ARHGEF10: variants seen among roughly 807,000 people sequenced by gnomAD.
The protein encoded by ARHGEF10 is Rho guanine nucleotide exchange factor (GEF) 10.
A neutral mutation model predicts 147.4 loss-of-function variants in ARHGEF10; 140 were observed. That is an observed-to-expected ratio of 0.95 (90% CI 0.83 to 1.09). ARHGEF10 has a LOEUF of 1.09. Among genes scored for constraint, ARHGEF10 ranks in the 50% least tolerant of loss-of-function variants. The probability of loss-of-function intolerance (pLI) is 0.00; values close to 1 mark genes in which losing one functional copy is unlikely to be tolerated. For missense variants in ARHGEF10, 2,222 were observed against 1,752.7 expected, an observed-to-expected ratio of 1.27 and a Z score of -4.78; for synonymous variants, 902 against 695.8, an observed-to-expected ratio of 1.30 and a Z score of -4.67.
chr8:1,895,329 T>A (rs960286514), intron 13 of ARHGEF10, among the ~76,000 whole-genome samples: 1 of 152,250 alleles, frequency 6.6e-6, no homozygotes, highest in Non-Finnish European at 1.5e-5. Flanking sequence ...TTTGAGACTA[T>A]GATGCTATCA....
At chr8:1,849,982 A>ACG (rs1491481565) in intron 2 of ARHGEF10, among the ~76,000 whole-genome samples, 202 of 29,682 alleles carry the variant, frequency 6.8e-3, no homozygotes, top group Non-Finnish European at 0.011. Context: ...GGCCGGCTGC[A>ACG]TGGACACAGA....
At chr8:1,834,178 C>T (rs187245947) in intron 1 of ARHGEF10, among the ~76,000 whole-genome samples, 2 of 152,358 alleles carry the variant, frequency 1.3e-5, no homozygotes, top group East Asian at 3.9e-4. Context: ...CTTGTCCCCT[C>T]CCCAGCATGT....
At chr8:1,869,544 G>T in intron 7 of ARHGEF10, 1 of 536,830 alleles carries the variant, frequency 1.9e-6, no homozygotes, top group Non-Finnish European at 3.4e-6. Context: ...CTGAGAAGCA[G>T]CAATGTATAT....
At chr8:1,843,754 C>A (rs920502735) in intron 2 of ARHGEF10, among the ~76,000 whole-genome samples, 4 of 152,196 alleles carry the variant, frequency 2.6e-5, no homozygotes, top group African/African-American at 9.6e-5. Flanking sequence ...AGGGTTGTTA[C>A]AGAATGGCGC....
At chr8:1,933,601 G>A (rs910553382) in intron 25 of ARHGEF10, among the ~76,000 whole-genome samples, 199 bp from the exon 26 acceptor site, 2 of 152,034 alleles carry the variant, frequency 1.3e-5, no homozygotes, top group South Asian at 4.1e-4. Context: ...AGCTGTCTGT[G>A]CTTCCCGACT....
chr8:1,862,171 A>C (rs1484798511), intron 4 of ARHGEF10, among the ~76,000 whole-genome samples: 2 of 152,212 alleles, frequency 1.3e-5, no homozygotes, highest in African/African-American at 4.8e-5. Context: ...CCTGGCCCAC[A>C]CTTCCTGCCT....
intron 3 of ARHGEF10, among the ~76,000 whole-genome samples, chr8:1,859,129 C>T (rs111432274): frequency 0.22 from 25,100 of 115,346 alleles, 3,932 homozygotes; most frequent in South Asian, 0.35. Context: ...TTTCTTTGTG[C>T]GCAGCACGCG....
chr8:1,942,569 A>C (rs1426181955), intron 26 of ARHGEF10, among the ~76,000 whole-genome samples: 1 of 152,196 alleles, frequency 6.6e-6, no homozygotes, highest in Non-Finnish European at 1.5e-5. Context: ...AACTCGTGGC[A>C]TGACCAGGTG....
Position 1,885,655 on chromosome 8 carries a change from A to C in ARHGEF10, c.1130A>C (p.Lys377Thr). The C allele has an allele frequency of 6.2e-7, 1 of 1,614,082 alleles. No individual in the cohort carries two copies. Among genetic ancestry groups the C allele is most frequent in the Non-Finnish European group, 8.5e-7 (1 of 1,180,022 alleles). Reference sequence around the variant, plus strand: ...AATTTGTTCATTGATGTTGACTGCAAGCACCCGGAAGCCATCTTGACCCCG... The same window carrying C: ...AATTTGTTCATTGATGTTGACTGCACGCACCCGGAAGCCATCTTGACCCCG... ...EQNLFIDVDC[K>T]HPEAILTPMP... Residue 377 changes from lysine to threonine, a missense_variant, in exon 11 of 29, where the codon AAG (lysine) becomes ACG (threonine). Coordinates refer to ENST00000349830, the MANE Select transcript of ARHGEF10 (RefSeq NM_014629.4).
rs201154615 is a variant in ARHGEF10 at position 1,945,702 on chromosome 8, G to A, written c.3397+47G>A. 88 of 1,610,696 alleles carry A rather than the reference G, an allele frequency of 5.5e-5. No individual in the cohort carries two copies. The African/African-American group carries it at 6.3e-4, about 11-fold the overall frequency. The stretch of plus-strand genomic sequence containing the variant: ...CAGGGATGGGACAGCAACCGGGGAC[G>A]GACGTGGGGGGTGCGGAGCGCTGTC... On this transcript the variant is annotated intron_variant, in intron 27 of 28. Coordinates refer to ENST00000349830, the MANE Select transcript of ARHGEF10 (RefSeq NM_014629.4).
At chr8:1,876,837 T>A in intron 8 of ARHGEF10, 103 bp downstream of exon 8, 1 of 1,323,390 alleles carries the variant, frequency 7.6e-7, no homozygotes, top group Non-Finnish European at 1.1e-6. Flanking sequence ...AGTGATTTGT[T>A]AAGATGCTGA....
chr8:1,826,263 G>C, intron 1 of ARHGEF10: 1 of 852,320 alleles, frequency 1.2e-6, no homozygotes, highest in Non-Finnish European at 1.9e-6. Flanking sequence ...TTGACTTCCA[G>C]ATGTAACCAC....
intron 2 of ARHGEF10, among the ~76,000 whole-genome samples, chr8:1,855,918 C>CAAA (rs200606477): frequency 2.1e-3 from 303 of 142,290 alleles, no homozygotes; most frequent in African/African-American, 7.3e-3. Flanking sequence ...AATGATATGG[C>CAAA]AAAAAAAAAA....
chr8:1,955,541 T>C (rs866432848), intron 28 of ARHGEF10, among the ~76,000 whole-genome samples: 18 of 107,616 alleles, frequency 1.7e-4, no homozygotes, highest in East Asian at 7.1e-4. Context: ...TGAAAGGAGG[T>C]GCACTCTCAC....
chr8:1,919,934 T>C (rs1812117932), intron 18 of ARHGEF10, among the ~76,000 whole-genome samples: 1 of 149,432 alleles, frequency 6.7e-6, no homozygotes, highest in African/African-American at 2.5e-5. Flanking sequence ...AGCTGTTCTA[T>C]GGGTGATGGA....
rs1802581129 is a variant in ARHGEF10, at chr8:1,824,025, G to GAACA, written c.-136_-135insAACA. On this transcript the variant is annotated 5_prime_UTR_variant, in exon 1 of 29. Coordinates refer to ENST00000349830, the MANE Select transcript of ARHGEF10 (RefSeq NM_014629.4). ...GCGGGGGACGGCGGGGAACGGCGGG[G>GAACA]GACGGCGGGGAACAGCGGGGGACGG... 2.1e-5 allele frequency: 2 copies of GAACA among 95,536 alleles called. No homozygotes were observed. The highest frequency in any genetic ancestry group is 4.5e-5 in the Non-Finnish European group (2 of 44,014). The allele number at this position is 95,536 out of a possible 1,614,324, so 5.9% of individuals were successfully genotyped here. A position where few individuals can be genotyped will look rare whatever the true frequency, so the allele number is the denominator to read the frequency against.
chr8:1,866,536 G>A lies in ARHGEF10; in HGVS notation c.556G>A (p.Val186Ile). 2 of 1,611,492 alleles carry A rather than the reference G, an allele frequency of 1.2e-6. No individual in the cohort carries two copies. Among genetic ancestry groups the A allele is most frequent in the South Asian group, 2.2e-5 (2 of 91,082 alleles). Residue 186 changes from valine (V) to isoleucine (I), a missense_variant, in exon 6 of 29, where the codon GTC becomes ATC. Coordinates refer to ENST00000349830, the MANE Select transcript of ARHGEF10 (RefSeq NM_014629.4). ...SEEPPTSEDQ[V>I]GREDSALARW... ...TTTGTTTTCTTTAAGTGAAGATCAA[G>A]TCGGTCGAGAGGACAGCGCACTTGC...
At chr8:1,862,805 GTCTCGCTCTGTCGCTC>G (rs1390010544) in intron 4 of ARHGEF10, among the ~76,000 whole-genome samples, 1 of 135,500 alleles carries the variant, frequency 7.4e-6, no homozygotes, top group Non-Finnish European at 1.5e-5. Flanking sequence ...TTGAGACAGA[GTCTCGCTCTGTCGCTC>G]AGGCTGGAGT....
chr8:1,939,464 A>G (rs1813900320), intron 26 of ARHGEF10, among the ~76,000 whole-genome samples: 1 of 152,220 alleles, frequency 6.6e-6, no homozygotes, highest in African/African-American at 2.4e-5. Context: ...TTTTGGGGGC[A>G]ACACTCCCTC....
Sources: allele counts gnomAD v4.1 joint callset (sites outside exome capture counted in the v4.1 genomes callset), GRCh38; gene constraint gnomAD v4.1.1; transcripts MANE v1.5; gene names NCBI Gene and HGNC (gene_info 2026-07-23, HGNC 2026-07-21).